Variants in VPS37A observed in about 807,000 individuals in gnomAD.
VPS37A encodes the protein vacuolar protein sorting-associated protein 37A.
In VPS37A, 30 loss-of-function variants were observed where a neutral mutation model predicts 49.8. The ratio of observed to expected loss-of-function variants is 0.60; its 90% confidence interval spans 0.45 to 0.82. The LOEUF is 0.82. Among genes scored for constraint, VPS37A ranks in the 40% least tolerant of loss-of-function variants. The probability of loss-of-function intolerance (pLI) is 0.00; values close to 1 mark genes in which losing one functional copy is unlikely to be tolerated. For synonymous variants in VPS37A, 195 were observed against 160.6 expected (o/e 1.21, Z -1.62); for missense variants, 593 against 464.4 (o/e 1.28, Z -2.55).
Position 17,274,851 on chromosome 8 carries a change from G to T in VPS37A, c.535G>T (p.Val179Phe), listed in dbSNP as rs781095455. ...CACTTCTTTATCTGTTGCTGACACT[G>T]TTTCTTCTTCAACAACAAGTCATAC... Reference protein sequence around the residue: ...SITSLSVADTVSSSTTSHTTA... With the variant: ...SITSLSVADTFSSSTTSHTTA... The change falls in exon 5 of 12, where the codon GTT (valine) becomes TTT (phenylalanine). Residue 179 changes from valine (V) to phenylalanine (F), a missense_variant. Transcript: ENST00000324849. The T allele has an allele frequency of 5.6e-6, 9 of 1,613,980 alleles. No homozygotes were observed. Among genetic ancestry groups the T allele is most frequent in the Non-Finnish European group, 7.6e-6 (9 of 1,180,024 alleles).
chr8:17,330,040 A>G, the VPS37A span, among the ~76,000 whole-genome samples: 4 of 152,216 alleles, frequency 2.6e-5, no homozygotes, highest in Non-Finnish European at 5.9e-5. Context: ...TGCAGCAGGT[A>G]ATGCAGCCCC....
chr8:17,274,630 A>G, intron 4 of VPS37A, 103 bp from the exon 5 acceptor site: 1 of 766,802 alleles, frequency 1.3e-6, no homozygotes, highest in Non-Finnish European at 2.0e-6. Flanking sequence ...ATAACATTTC[A>G]TCTATATAGT....
chr8:17,317,531 C>T, the VPS37A span, among the ~76,000 whole-genome samples: 1 of 152,154 alleles, frequency 6.6e-6, no homozygotes, highest in Admixed American at 6.6e-5. Flanking sequence ...ACTCCTGATC[C>T]CAGAGTCCCT....
In VPS37A at chr8:17,259,170, G is replaced by A. The variant is rs571410780; in HGVS notation, c.126-6737G>A. 2.6e-5 allele frequency among the ~76,000 whole-genome samples: 4 copies of A among 152,006 alleles called. No individual in the cohort carries two copies. The East Asian group carries it at 5.8e-4, about 22-fold the overall frequency. ...GTTCATCAAAGTGCATAATTGGGTT[G>A]TTTATTTGAAGTCTTTTTACTTTTT... On this transcript the variant is annotated intron_variant, in intron 1 of 11. Transcript: ENST00000324849.
chr8:17,312,527 A>G, the VPS37A span, among the ~76,000 whole-genome samples: 1 of 142,254 alleles, frequency 7.0e-6, no homozygotes, highest in Non-Finnish European at 1.5e-5. Flanking sequence ...GCAAGCTGAG[A>G]TCGTGCCACT....
At chr8:17,311,784 A>C in the VPS37A span, 4 of 1,268,548 alleles carry the variant, frequency 3.2e-6, no homozygotes, top group Admixed American at 8.4e-5. Flanking sequence ...GCCCCCCCTA[A>C]TTAGGGCAGA....
At chr8:17,285,346 T>A (rs1455138340) in intron 10 of VPS37A, among the ~76,000 whole-genome samples, 8 of 152,188 alleles carry the variant, frequency 5.3e-5, no homozygotes, top group Admixed American at 3.9e-4. Context: ...TTTTACCACT[T>A]GTTGAAAGAA....
At chr8:17,331,662 G>T in the VPS37A span, among the ~76,000 whole-genome samples, 2 of 152,180 alleles carry the variant, frequency 1.3e-5, no homozygotes, top group Non-Finnish European at 2.9e-5. Context: ...AATATCAGCA[G>T]AAACAGCTGT....
chr8:17,306,094 G>A (rs1817437709), downstream of VPS37A: 4 of 700,638 alleles, frequency 5.7e-6, no homozygotes, highest in East Asian at 8.4e-5. Context: ...GACAAAAAAG[G>A]TAGAAAAGTT....
At chr8:17,301,339 G>A (rs1157809862), downstream of VPS37A, among the ~76,000 whole-genome samples, 5 of 152,152 alleles carry the variant, frequency 3.3e-5, no homozygotes, top group African/African-American at 1.2e-4. Flanking sequence ...CAGGGAGGAA[G>A]GAACATTTTA....
chr8:17,300,398 C>T (rs906934094), downstream of VPS37A: 166 of 639,268 alleles, frequency 2.6e-4, 1 homozygote, highest in South Asian at 5.9e-4. Flanking sequence ...ATCTGTGAGG[C>T]CTGCTTTATC....
chr8:17,316,019 A>G, the VPS37A span, among the ~76,000 whole-genome samples: 2 of 152,184 alleles, frequency 1.3e-5, no homozygotes, highest in Non-Finnish European at 2.9e-5. Flanking sequence ...CTATCTCTAA[A>G]AAATAAAGTT....
chr8:17,274,948 C>T lies in VPS37A; in HGVS notation c.632C>T (p.Ala211Val). The T allele has an allele frequency of 6.2e-7, 1 of 1,613,974 alleles. No individual in the cohort carries two copies. The highest frequency in any genetic ancestry group is 8.5e-7 in the Non-Finnish European group (1 of 1,179,840). The stretch of plus-strand genomic sequence containing the variant: ...CCATTACCCATTCCCACAGTGGATG[C>T]TTCAATACCGGTTGGTATCGTCAGT... ...NLPLPIPTVD[A>V]SIPTSQNGFG... The change falls in exon 5 of 12, where the codon GCT becomes GTT. Residue 211 changes from alanine to valine, a missense_variant. Transcript: ENST00000324849.
the VPS37A span, among the ~76,000 whole-genome samples, chr8:17,327,716 G>A: frequency 1.3e-5 from 2 of 151,816 alleles, no homozygotes; most frequent in African/African-American, 2.4e-5. Flanking sequence ...TAAATATTTA[G>A]AGCACTAGTT....
At chr8:17,253,040 A>G (rs1373599167) in intron 1 of VPS37A, among the ~76,000 whole-genome samples, 2 of 152,208 alleles carry the variant, frequency 1.3e-5, no homozygotes, top group African/African-American at 4.8e-5. Flanking sequence ...GCAATAAAGC[A>G]TGGTACCATT....
In VPS37A at chr8:17,279,827, G is replaced by C. The variant is rs932408554; in HGVS notation, c.714-201G>C. The C allele has an allele frequency of 1.2e-5, 8 of 667,178 alleles. 1 individual carries two copies. Among genetic ancestry groups the C allele is most frequent in the Admixed American group, 1.0e-4 (5 of 47,816 alleles). The allele number at this position is 667,178 out of a possible 1,614,324, so 41.3% of individuals were successfully genotyped here. ...AATTTACTTTTACAGATTCTGTCAA[G>C]AATATATTACAGACTGCTCTATGTT... On this transcript the variant is annotated intron_variant, in intron 6 of 11. Transcript: ENST00000324849.
chr8:17,284,713 G>T, intron 10 of VPS37A, 97 bp downstream of exon 10: 1 of 1,352,864 alleles, frequency 7.4e-7, no homozygotes, highest in Non-Finnish European at 1.0e-6. Context: ...TCTCTATTAT[G>T]ATATCATCCC....
At chr8:17,253,281 A>G (rs750489512) in intron 1 of VPS37A, among the ~76,000 whole-genome samples, 12 of 152,144 alleles carry the variant, frequency 7.9e-5, no homozygotes, top group Admixed American at 1.3e-4. Context: ...TTCCATGTCT[A>G]CTACCACAAG....
intron 6 of VPS37A, chr8:17,279,811 T>C: frequency 1.6e-6 from 1 of 626,908 alleles, no homozygotes; most frequent in South Asian, 1.5e-5. Context: ...AAATTTACTT[T>C]TACAGATTCT....
Sources: allele counts gnomAD v4.1 joint callset (sites outside exome capture counted in the v4.1 genomes callset), GRCh38; gene constraint gnomAD v4.1.1; transcripts MANE v1.5; gene names NCBI Gene and HGNC (gene_info 2026-07-23, HGNC 2026-07-21).